Variants in ZDHHC7 observed in about 807,000 individuals in gnomAD.
The protein encoded by ZDHHC7 is zDHHC palmitoyltransferase 7.
In ZDHHC7, 12 loss-of-function variants were observed where a neutral mutation model predicts 34.1. The ratio of observed to expected loss-of-function variants is 0.35; its 90% CI spans 0.23 to 0.57. ZDHHC7 has a LOEUF of 0.57. Among genes scored for constraint, ZDHHC7 ranks in the 20% least tolerant of loss-of-function variants. The probability of loss-of-function intolerance (pLI) is 0.84; values close to 1 mark genes in which losing one functional copy is unlikely to be tolerated. For missense variants in ZDHHC7, 388 were observed against 402.7 expected (o/e 0.96, Z 0.31); for synonymous variants, 185 against 155.4 (o/e 1.19, Z -1.42).
intron 5 of ZDHHC7, 26 bp downstream of exon 5, chr16:84,979,163 T>C (rs1163247388): frequency 6.3e-7 from 1 of 1,579,080 alleles, no homozygotes; most frequent in Non-Finnish European, 8.6e-7. Context: ...TCAATGTAAA[T>C]TCAATACAAA....
rs1199886313 is a variant in ZDHHC7 at position 84,984,014 on chromosome 16, C to CT, written c.316-2021dup. Among the ~76,000 whole-genome samples the CT allele has an allele frequency of 9.9e-3, 1,322 of 132,870 alleles. 15 individuals carry two copies. Among genetic ancestry groups the CT allele is most frequent in the African/African-American group, 0.026 (953 of 37,030 alleles). 87.2% of individuals were successfully genotyped at this position (132,870 alleles called of 152,430 possible). On this transcript the variant is annotated intron_variant, in intron 3 of 7. Transcript: ENST00000313732. ...TAACTTACATTCTACAATTTAGAGT[C>CT]TTTTTTTTTTTTTTCTTTTTGTTGA...
chr16:85,019,920 A>T, the ZDHHC7 span, among the ~76,000 whole-genome samples: 1 of 152,100 alleles, frequency 6.6e-6, no homozygotes, highest in Admixed American at 6.6e-5. Flanking sequence ...AGCTGCTGTT[A>T]TACCCCCTCG....
intron 5 of ZDHHC7, 58 bp downstream of exon 5, chr16:84,979,131 A>G (rs1035397008): frequency 1.3e-6 from 2 of 1,513,778 alleles, no homozygotes; most frequent in Non-Finnish European, 1.8e-6. Flanking sequence ...TCCAGGCAAG[A>G]AGCAGTTAAA....
intron 1 of ZDHHC7, among the ~76,000 whole-genome samples, chr16:85,001,857 C>T (rs2072657154): frequency 6.6e-6 from 1 of 152,036 alleles, no homozygotes; most frequent in African/African-American, 2.4e-5. Flanking sequence ...TAGGTGTGAG[C>T]CACCACAGAT....
chr16:85,012,238 C>G (rs1458932795), upstream of ZDHHC7, among the ~76,000 whole-genome samples: 1 of 151,888 alleles, frequency 6.6e-6, no homozygotes, highest in Non-Finnish European at 1.5e-5. Context: ...CATAAATTAG[C>G]CGGATGTAGT....
At chr16:84,981,326 G>A (rs1597533422) in intron 4 of ZDHHC7, among the ~76,000 whole-genome samples, 1 of 152,254 alleles carries the variant, frequency 6.6e-6, no homozygotes, top group East Asian at 1.9e-4. Flanking sequence ...TTGAGAGCAC[G>A]CCCAAATAAA....
At chr16:84,999,142 T>C (rs2072622265) in intron 1 of ZDHHC7, among the ~76,000 whole-genome samples, 1 of 152,232 alleles carries the variant, frequency 6.6e-6, no homozygotes, top group South Asian at 2.1e-4. Context: ...TTTGAACTGT[T>C]TTCCAATGAG....
At chr16:85,017,930 G>C in the ZDHHC7 span, among the ~76,000 whole-genome samples, 1 of 152,152 alleles carries the variant, frequency 6.6e-6, no homozygotes, top group African/African-American at 2.4e-5. Context: ...GAACATTCCT[G>C]GGAAAAGGTG....
intron 1 of ZDHHC7, among the ~76,000 whole-genome samples, chr16:84,998,087 C>T (rs1477207435): frequency 6.8e-6 from 1 of 147,858 alleles, no homozygotes; most frequent in African/African-American, 2.5e-5. Flanking sequence ...CACGGTGAAA[C>T]CCCGTCTCTA....
chr16:84,999,472 G>A (rs139249791), intron 1 of ZDHHC7, among the ~76,000 whole-genome samples: 56 of 152,174 alleles, frequency 3.7e-4, no homozygotes, highest in Non-Finnish European at 3.1e-4. Context: ...ACCCAAACCC[G>A]TCAACAGGAA....
At chr16:84,977,610 C>T (rs1031503265) in intron 6 of ZDHHC7, among the ~76,000 whole-genome samples, 1 of 152,210 alleles carries the variant, frequency 6.6e-6, no homozygotes, top group Non-Finnish European at 1.5e-5. Flanking sequence ...GACCTCACTG[C>T]ATATCTAAGG....
the ZDHHC7 span, among the ~76,000 whole-genome samples, chr16:85,020,588 G>A: frequency 6.6e-6 from 1 of 152,130 alleles, no homozygotes. Context: ...AGTGGGTTCT[G>A]GGCAAAGGGA....
intron 1 of ZDHHC7, among the ~76,000 whole-genome samples, chr16:85,001,506 G>C (rs1388400499): frequency 2.8e-5 from 4 of 141,032 alleles, no homozygotes; most frequent in African/African-American, 1.1e-4. Flanking sequence ...GATGGCAAGA[G>C]CCAGGCTTCT....
chr16:85,000,172 T>C (rs1052000998), intron 1 of ZDHHC7, among the ~76,000 whole-genome samples: 3 of 152,040 alleles, frequency 2.0e-5, no homozygotes, highest in Non-Finnish European at 1.5e-5. Flanking sequence ...TGCATTTCAC[T>C]GTACATTAAT....
intron 1 of ZDHHC7, among the ~76,000 whole-genome samples, chr16:84,997,755 T>A (rs1486083766): frequency 2.8e-5 from 4 of 143,794 alleles, no homozygotes; most frequent in Non-Finnish European, 4.5e-5. Context: ...TAGCTAGGCG[T>A]GGTGGTGGGC....
chr16:84,977,725 C>G (rs2072316499), intron 6 of ZDHHC7, among the ~76,000 whole-genome samples, 199 bp downstream of exon 6: 1 of 152,244 alleles, frequency 6.6e-6, no homozygotes, highest in South Asian at 2.1e-4. Flanking sequence ...GACCAGCAGA[C>G]AGACACAAGC....
intron 2 of ZDHHC7, among the ~76,000 whole-genome samples, chr16:84,994,555 A>G (rs1429656714): frequency 6.6e-6 from 1 of 152,184 alleles, no homozygotes; most frequent in Non-Finnish European, 1.5e-5. Context: ...CACATGTGAC[A>G]CCTGAGCCAG....
intron 3 of ZDHHC7, 182 bp from the exon 4 acceptor site, chr16:84,982,176 T>C: frequency 1.7e-6 from 1 of 599,074 alleles, no homozygotes; most frequent in Non-Finnish European, 2.7e-6. Flanking sequence ...AAACCCCGTC[T>C]CTACTAAAGA....
At chr16:85,021,130 G>T in the ZDHHC7 span, among the ~76,000 whole-genome samples, 3,324 of 149,504 alleles carry the variant, frequency 0.022, 72 homozygotes, top group Non-Finnish European at 0.034. Context: ...ATTAAAAAAG[G>T]GGGGGGTGCA....
Sources: gnomAD v4.1 joint callset for allele counts (sites outside exome capture counted in the v4.1 genomes callset) on GRCh38, gnomAD v4.1.1 for gene constraint, MANE v1.5 for transcripts, NCBI Gene and HGNC (gene_info 2026-07-23, HGNC 2026-07-21) for gene names.